Variants in TUSC3 observed in about 807,000 individuals in gnomAD.
TUSC3 encodes dolichyl-diphosphooligosaccharide--protein glycosyltransferase subunit TUSC3.
In TUSC3, 45 loss-of-function variants were observed where a neutral mutation model predicts 44.8. The observed-to-expected ratio is 1.00, with a 90% CI of 0.79 to 1.29. The LOEUF (loss-of-function observed/expected upper bound fraction) is 1.29, where lower values mean the gene tolerates loss of function less well. TUSC3 is among the 50% of genes most tolerant of loss of function. The pLI is 0.00. For synonymous variants in TUSC3, 212 were observed against 152.9 expected, an observed-to-expected ratio of 1.39 and a Z score of -2.85; for missense variants, 519 against 437.9, an observed-to-expected ratio of 1.19 and a Z score of -1.65.
chr8:15,665,968 G>A (rs775453987), intron 5 of TUSC3, among the ~76,000 whole-genome samples: 8 of 151,274 alleles, frequency 5.3e-5, no homozygotes, highest in Non-Finnish European at 8.9e-5. Flanking sequence ...CACGGAGGAT[G>A]GTGGACAATA....
the TUSC3 span, among the ~76,000 whole-genome samples, chr8:15,774,018 A>G: frequency 1.3e-5 from 2 of 152,186 alleles, no homozygotes; most frequent in East Asian, 3.9e-4. Flanking sequence ...CTTCAAAAGC[A>G]CAAGCAACAA....
intron 1 of TUSC3, among the ~76,000 whole-genome samples, chr8:15,447,409 G>A (rs1347847931): frequency 2.0e-5 from 3 of 152,060 alleles, no homozygotes; most frequent in Non-Finnish European, 4.4e-5. Context: ...GACATTAATG[G>A]AGATTAAAGA....
At chr8:15,705,057 T>C (rs1339718717) in intron 6 of TUSC3, among the ~76,000 whole-genome samples, 1 of 152,056 alleles carries the variant, frequency 6.6e-6, no homozygotes, top group African/African-American at 2.4e-5. Context: ...GTATTATTAT[T>C]TATGTCTTTG....
chr8:15,681,497 C>T (rs1808429226), intron 6 of TUSC3, among the ~76,000 whole-genome samples: 1 of 150,628 alleles, frequency 6.6e-6, no homozygotes, highest in African/African-American at 2.4e-5. Flanking sequence ...TTTTTTATTT[C>T]TGTGGCATCA....
chr8:15,667,348 A>T (rs1394143507), intron 5 of TUSC3, among the ~76,000 whole-genome samples: 1 of 151,664 alleles, frequency 6.6e-6, no homozygotes, highest in Non-Finnish European at 1.5e-5. Flanking sequence ...ATTTCTGTAT[A>T]ACACTGAAAC....
At chr8:15,449,579 C>G (rs1239458383) in intron 1 of TUSC3, among the ~76,000 whole-genome samples, 1 of 152,080 alleles carries the variant, frequency 6.6e-6, no homozygotes, top group Non-Finnish European at 1.5e-5. Context: ...CTCTTTAGCC[C>G]TTAGGGGAAA....
At chr8:15,493,934 C>T (rs1274887601) in intron 2 of TUSC3, among the ~76,000 whole-genome samples, 1 of 152,164 alleles carries the variant, frequency 6.6e-6, no homozygotes, top group African/African-American at 2.4e-5. Flanking sequence ...ATGCTGTAAC[C>T]TCTTCAGTGA....
the TUSC3 span, among the ~76,000 whole-genome samples, chr8:15,795,638 G>C: frequency 6.6e-6 from 1 of 152,208 alleles, no homozygotes; most frequent in Non-Finnish European, 1.5e-5. Flanking sequence ...CTACACACAA[G>C]AAGCACAGTT....
At chr8:15,816,761 G>C in the TUSC3 span, among the ~76,000 whole-genome samples, 1 of 152,128 alleles carries the variant, frequency 6.6e-6, no homozygotes, top group African/African-American at 2.4e-5. Context: ...GAAACGGCAT[G>C]TTTTTACACC....
At chr8:15,525,506 T>C (rs1348099152) in intron 2 of TUSC3, among the ~76,000 whole-genome samples, 7 of 152,254 alleles carry the variant, frequency 4.6e-5, no homozygotes, top group Non-Finnish European at 7.3e-5. Flanking sequence ...ATGTATAATA[T>C]GGCAAATACT....
chr8:15,801,457 A>G, the TUSC3 span, among the ~76,000 whole-genome samples: 1 of 152,270 alleles, frequency 6.6e-6, no homozygotes, highest in East Asian at 1.9e-4. Flanking sequence ...TGGAGAATTC[A>G]TTGGGCTCCA....
intron 1 of TUSC3, among the ~76,000 whole-genome samples, chr8:15,451,562 T>G (rs898033213): frequency 6.6e-6 from 1 of 152,090 alleles, no homozygotes; most frequent in Non-Finnish European, 1.5e-5. Context: ...GGAGAGTGCA[T>G]AGAAGCTCCA....
intron 1 of TUSC3, among the ~76,000 whole-genome samples, chr8:15,420,975 T>A (rs1346994352): frequency 6.6e-6 from 1 of 152,190 alleles, no homozygotes; most frequent in Non-Finnish European, 1.5e-5. Flanking sequence ...ACACCCTTTA[T>A]ATGCAAGTGA....
chr8:15,497,767 C>G (rs1019607054), intron 2 of TUSC3, among the ~76,000 whole-genome samples: 1 of 150,042 alleles, frequency 6.7e-6, no homozygotes, highest in Admixed American at 6.7e-5. Flanking sequence ...TTTTTTGAGA[C>G]AAAGTCTCGC....
intron 7 of TUSC3, among the ~76,000 whole-genome samples, chr8:15,734,703 C>G (rs1208912375): frequency 6.6e-6 from 1 of 152,142 alleles, no homozygotes; most frequent in African/African-American, 2.4e-5. Flanking sequence ...GGAACTAACT[C>G]CCTGTCTAGA....
chr8:15,653,448 A>C (rs1029381362), intron 3 of TUSC3, among the ~76,000 whole-genome samples: 1 of 152,204 alleles, frequency 6.6e-6, no homozygotes, highest in African/African-American at 2.4e-5. Flanking sequence ...ATAATCATAT[A>C]AATAAATGGT....
At chr8:15,806,119 G>A in the TUSC3 span, 1 of 428,594 alleles carries the variant, frequency 2.3e-6, no homozygotes, top group Non-Finnish European at 4.6e-6. Context: ...TGGAGGTGAA[G>A]GTAAACTCCA....
At chr8:15,531,327 T>C (rs1223835541) in intron 2 of TUSC3, among the ~76,000 whole-genome samples, 2 of 152,274 alleles carry the variant, frequency 1.3e-5, no homozygotes, top group South Asian at 4.1e-4. Flanking sequence ...ATGGTGGTCA[T>C]TGCAACCTCC....
At chr8:15,730,570 A>G (rs1385165335) in intron 6 of TUSC3, 96 bp from the exon 7 acceptor site, 36 of 1,196,492 alleles carry the variant, frequency 3.0e-5, no homozygotes, top group Non-Finnish European at 3.6e-6. Context: ...GTAAAAATCG[A>G]ATTAGATTTT....
Sources: gnomAD v4.1 joint callset for allele counts (sites outside exome capture counted in the v4.1 genomes callset) on GRCh38, gnomAD v4.1.1 for gene constraint, MANE v1.5 for transcripts, NCBI Gene and HGNC (gene_info 2026-07-23, HGNC 2026-07-21) for gene names.